The following KCND2 variants were observed in gnomAD, a reference collection of about 807,000 sequenced individuals.
The protein encoded by KCND2 is potassium voltage-gated channel subfamily D member 2, also known as A-type voltage-gated potassium channel KCND2.
In KCND2, 16 loss-of-function variants were observed where a neutral mutation model predicts 54.4. The ratio of observed to expected loss-of-function variants is 0.29; its 90% CI spans 0.20 to 0.45. KCND2 has a LOEUF of 0.45. KCND2 is among the 20% of genes least tolerant of loss of function. KCND2 has a pLI of 1.00. For synonymous variants in KCND2, 317 were observed against 310.7 expected (o/e 1.02, Z -0.21); for missense variants, 486 against 824.2 (o/e 0.59, Z 5.02).
chr7:120,488,786 T>C (rs2116295053), intron 1 of KCND2, among the ~76,000 whole-genome samples: 1 of 152,218 alleles, frequency 6.6e-6, no homozygotes, highest in African/African-American at 2.4e-5. Flanking sequence ...AAAAATCTTA[T>C]TTATTTAAAT....
intron 1 of KCND2, among the ~76,000 whole-genome samples, chr7:120,453,008 G>A (rs898925419): frequency 2.1e-4 from 32 of 152,090 alleles, no homozygotes; most frequent in Non-Finnish European, 3.8e-4. Context: ...AGTCCTCATC[G>A]TAGCTCCTTT....
intron 1 of KCND2, among the ~76,000 whole-genome samples, chr7:120,458,584 AC>A (rs968445977): frequency 5.9e-5 from 9 of 152,194 alleles, no homozygotes; most frequent in South Asian, 2.1e-4. Flanking sequence ...ATGCTCAAAT[AC>A]AAAATTTGAA....
Position 120,359,745 on chromosome 7 carries a change from C to G in KCND2, c.1115+83998C>G, listed in dbSNP as rs181371556. 1.6e-3 allele frequency among the ~76,000 whole-genome samples: 236 copies of G among 152,124 alleles called. 1 individual carries two copies. Among genetic ancestry groups the G allele is most frequent in the Non-Finnish European group, 2.5e-3 (172 of 67,976 alleles). On this transcript the variant is annotated intron_variant, in intron 1 of 5. Transcript: ENST00000331113. ...CCCAAATTTCATTTTGAATTGTAAT[C>G]CCCATAATCCCCATGTCGAAGGAGG...
intron 1 of KCND2, among the ~76,000 whole-genome samples, chr7:120,301,343 A>G (rs1799583387): frequency 6.6e-6 from 1 of 152,182 alleles, no homozygotes; most frequent in Admixed American, 6.6e-5. Context: ...ATAAACATAC[A>G]TATTCTGTAA....
intron 1 of KCND2, among the ~76,000 whole-genome samples, chr7:120,391,791 A>T (rs1017034334): frequency 6.6e-6 from 1 of 151,842 alleles, no homozygotes; most frequent in African/African-American, 2.4e-5. Context: ...AATTTGTTTA[A>T]GTTTTTTGCA....
At position 120,437,203 on chromosome 7, in the gene KCND2, A is replaced by C. The variant is rs935805762; in HGVS notation, c.1115+161456A>C. Among the ~76,000 whole-genome samples, 33 of 112,946 alleles carry C rather than the reference A, an allele frequency of 2.9e-4. 1 individual carries two copies. The highest frequency in any genetic ancestry group is 1.4e-3 in the African/African-American group (32 of 22,438). The allele number at this position is 112,946 out of a possible 152,430, so 74.1% of individuals were successfully genotyped here. A position where few individuals can be genotyped will look rare whatever the true frequency, so the allele number is the denominator to read the frequency against. Reference sequence around the variant, plus strand: ...CACTACTGGAGACAATCAATATACAACTTTTTTTTTTTTTTTTCAGTCAGA... The same window carrying C: ...CACTACTGGAGACAATCAATATACACCTTTTTTTTTTTTTTTTCAGTCAGA... On this transcript the variant is annotated intron_variant, in intron 1 of 5. Transcript: ENST00000331113.
At chr7:120,681,401 G>A (rs746095601) in intron 1 of KCND2, among the ~76,000 whole-genome samples, 2 of 151,976 alleles carry the variant, frequency 1.3e-5, no homozygotes, top group South Asian at 2.1e-4. Context: ...GGAAGGTGAC[G>A]GGAAGCAGCA....
At chr7:120,467,619 T>C (rs1293513506) in intron 1 of KCND2, among the ~76,000 whole-genome samples, 1 of 152,134 alleles carries the variant, frequency 6.6e-6, no homozygotes, top group East Asian at 1.9e-4. Context: ...TAGGCAAAAA[T>C]GCTACCAATC....
chr7:120,639,058 C>G (rs1793340487), intron 1 of KCND2, among the ~76,000 whole-genome samples: 1 of 152,070 alleles, frequency 6.6e-6, no homozygotes, highest in South Asian at 2.1e-4. Context: ...TCTTTGGTGT[C>G]TCATATATAC....
chr7:120,611,803 C>T (rs1268509818), intron 1 of KCND2, among the ~76,000 whole-genome samples: 2 of 152,180 alleles, frequency 1.3e-5, no homozygotes, highest in African/African-American at 2.4e-5. Flanking sequence ...ACCCTGGAGT[C>T]ATCACAGGGC....
At chr7:120,717,875 G>GTC (rs1481529303) in intron 1 of KCND2, among the ~76,000 whole-genome samples, 2 of 151,870 alleles carry the variant, frequency 1.3e-5, no homozygotes, top group South Asian at 2.1e-4. Context: ...TTTTCTGTTT[G>GTC]TCTCTCTCTC....
At position 120,274,282 on chromosome 7, in the gene KCND2, G is replaced by T; in HGVS notation, c.-351G>T. On this transcript the variant is annotated 5_prime_UTR_variant, in exon 1 of 6. Transcript: ENST00000331113. ...GACCCTATATTATCCAGACTGTGCC[G>T]GGGAGAAATCAAAAACACCTGTTTG... 1 of 411,946 alleles carries T rather than the reference G, an allele frequency of 2.4e-6. No homozygotes were observed. Among genetic ancestry groups the T allele is most frequent in the Non-Finnish European group, 4.5e-6 (1 of 223,442 alleles). 25.5% of individuals were successfully genotyped at this position (411,946 alleles called of 1,614,324 possible).
At chr7:120,711,913 C>T (rs181594153) in intron 1 of KCND2, among the ~76,000 whole-genome samples, 6 of 152,198 alleles carry the variant, frequency 3.9e-5, no homozygotes, top group Admixed American at 6.5e-5. Flanking sequence ...TCAAAATACA[C>T]AGGCTAAAGT....
At chr7:120,739,529 A>G (rs1446118664) in intron 2 of KCND2, among the ~76,000 whole-genome samples, 1 of 151,994 alleles carries the variant, frequency 6.6e-6, no homozygotes, top group East Asian at 1.9e-4. Context: ...TGATCTAAAC[A>G]TTATGTTTCC....
intron 1 of KCND2, among the ~76,000 whole-genome samples, chr7:120,703,057 G>A (rs183023157): frequency 6.6e-6 from 1 of 152,260 alleles, no homozygotes; most frequent in East Asian, 1.9e-4. Context: ...AGCCTTAAAT[G>A]TGGAAGGTGT....
chr7:120,318,813 A>G (rs535260029), intron 1 of KCND2, among the ~76,000 whole-genome samples: 66 of 152,190 alleles, frequency 4.3e-4, no homozygotes, highest in Admixed American at 2.2e-3. Context: ...GGCTTTTCAC[A>G]TGTTTGTACT....
chr7:120,628,439 A>C (rs1793188306), intron 1 of KCND2, among the ~76,000 whole-genome samples: 1 of 152,192 alleles, frequency 6.6e-6, no homozygotes, highest in Admixed American at 6.5e-5. Flanking sequence ...ATTGCCAGGC[A>C]CTGAGGCAAA....
chr7:120,478,606 G>A (rs6466748), intron 1 of KCND2, among the ~76,000 whole-genome samples: 41,226 of 150,862 alleles, frequency 0.27, 8,001 homozygotes, highest in African/African-American at 0.55. Context: ...CTTTTTTAAA[G>A]ATTTAAACCT....
intron 5 of KCND2, chr7:120,746,952 A>G (rs1285926120): frequency 6.6e-6 from 1 of 152,156 alleles, no homozygotes; most frequent in Non-Finnish European, 1.5e-5. Flanking sequence ...TCTTCAAGAT[A>G]TTTTAGCTTT....
Sources: allele counts gnomAD v4.1 joint callset (sites outside exome capture counted in the v4.1 genomes callset), GRCh38; gene constraint gnomAD v4.1.1; transcripts MANE v1.5; gene names NCBI Gene and HGNC (gene_info 2026-07-23, HGNC 2026-07-21).